Variants in GFI1 observed in about 807,000 individuals in gnomAD.
The protein encoded by GFI1 is growth factor independent 1 transcriptional repressor.
Under a neutral mutation model 39.2 loss-of-function variants are expected in GFI1, and 15 were observed. That is an observed-to-expected ratio of 0.38 (90% confidence interval 0.26 to 0.59). The LOEUF (loss-of-function observed/expected upper bound fraction) is 0.59, where lower values mean the gene tolerates loss of function less well. Ranked by LOEUF, GFI1 falls within the 20% of genes least tolerant of loss-of-function variation. GFI1 has a pLI of 0.62. For synonymous variants in GFI1, 239 were observed against 254.3 expected (o/e 0.94, Z 0.57); for missense variants, 475 against 574.0 (o/e 0.83, Z 1.76).
At position 92,475,841 on chromosome 1, in the gene GFI1, T is replaced by C; in HGVS notation, c.*188A>G. On this transcript the variant is annotated 3_prime_UTR_variant, in exon 7 of 7. Coordinates refer to ENST00000294702, the MANE Select transcript of GFI1 (RefSeq NM_005263.5). ...CACTCTCGGCTGCACTTTGAAAAGG[T>C]ACCTCATTTCTTCTGGCAGCTCCAG... The C allele has an allele frequency of 1.6e-6, 1 of 624,634 alleles. No homozygotes were observed. The highest frequency in any genetic ancestry group is 2.9e-6 in the Non-Finnish European group (1 of 348,200). 38.7% of individuals were successfully genotyped at this position (624,634 alleles called of 1,614,324 possible).
intron 6 of GFI1, among the ~76,000 whole-genome samples, chr1:92,477,308 T>C (rs1225237049): frequency 6.6e-6 from 1 of 152,222 alleles, no homozygotes; most frequent in African/African-American, 2.4e-5. Flanking sequence ...TTGATAAGTG[T>C]CCTGAATACC....
In GFI1 at chr1:92,483,020, T is replaced by G; in HGVS notation, c.142A>C (p.Lys48Gln). Residue 48 changes from lysine to glutamine, a missense_variant, in exon 3 of 7, where the codon AAG becomes CAG. By Grantham distance (53) the Lys-to-Gln change is moderately conservative (BLOSUM62 1). Coordinates refer to ENST00000294702, the MANE Select transcript of GFI1 (RefSeq NM_005263.5). ...GACAAACGGTCCCGGGGCTCCGCCT[T>G]CGCCCCGCCTGCATTTGAAGTGCTG... ...ADSTSNAGGA[K>Q]AEPRDRLSPE... is the part of the protein sequence containing the mutation. The G allele has an allele frequency of 6.2e-7, 1 of 1,601,324 alleles. No homozygotes were observed. The highest frequency in any genetic ancestry group is 8.5e-7 in the Non-Finnish European group (1 of 1,174,362).
chr1:92,483,769 G>T, intron 1 of GFI1, 183 bp from the exon 2 acceptor site: 2 of 474,284 alleles, frequency 4.2e-6, no homozygotes, highest in Non-Finnish European at 7.8e-6. Flanking sequence ...CGAACCCGCC[G>T]TCGTTGCCGC....
chr1:92,476,230 G>A, intron 6 of GFI1, 23 bp from the exon 7 acceptor site: 1 of 1,601,256 alleles, frequency 6.2e-7, no homozygotes, highest in African/African-American at 1.3e-5. Flanking sequence ...GAGGGGGAGG[G>A]GAGAAAGTAT....
intron 2 of GFI1, 32 bp downstream of exon 2, chr1:92,483,341 G>T: frequency 2.4e-6 from 3 of 1,253,432 alleles, no homozygotes; most frequent in Non-Finnish European, 3.5e-6. Context: ...ATCCGGGGGA[G>T]CAGCCCCGCC....
At chr1:92,486,266 C>A (rs1045603085) in intron 1 of GFI1, among the ~76,000 whole-genome samples, 1 of 152,226 alleles carries the variant, frequency 6.6e-6, no homozygotes, top group Non-Finnish European at 1.5e-5. Context: ...GGGGGCCTGG[C>A]CTTTCCAGCC....
intron 6 of GFI1, among the ~76,000 whole-genome samples, chr1:92,478,340 G>A (rs1198685520): frequency 1.3e-5 from 2 of 152,198 alleles, no homozygotes; most frequent in Non-Finnish European, 2.9e-5. Context: ...TTCTTTCCAA[G>A]TATAGAGTAC....
Position 92,482,901 on chromosome 1 carries a change from C to A in GFI1, c.261G>T (p.Glu87Asp), listed in dbSNP as rs772331632. ...GSVCERSSEFEDFWRPPSPSA... is the reference protein window; with the variant it reads ...GSVCERSSEFDDFWRPPSPSA... ...AGGGTGACGGGGGCCTCCAGAAGTC[C>A]TCAAACTCCGAGCTCCGTTCGCAGA... The change falls in exon 3 of 7, where the codon GAG becomes GAT. Residue 87 changes from glutamate to aspartate, a missense_variant. Physicochemically the swap from Glu to Asp is conservative, Grantham distance 45. Coordinates refer to ENST00000294702, the MANE Select transcript of GFI1 (RefSeq NM_005263.5). The surrounding 1 kb of genome is among the most constrained non-coding windows in gnomAD (Gnocchi z 4.4). 1 of 1,614,154 alleles carries A rather than the reference C, an allele frequency of 6.2e-7. No homozygotes were observed.
At position 92,480,956 on chromosome 1, in the gene GFI1, G is replaced by C. The variant is rs533176227; in HGVS notation, c.431C>G (p.Ala144Gly). 9.2e-5 allele frequency: 146 copies of C among 1,591,350 alleles called. 1 individual carries two copies. Among genetic ancestry groups the C allele is most frequent in the South Asian group, 3.3e-4 (29 of 88,088 alleles). ...GCCCAGGCCAGCGCCACGCTCCAGG[G>C]CCCCACACGGTCGGTAGCTCTGCAC... ...HLVQSYRPCG[A>G]LERGAGLGLF... The change falls in exon 4 of 7, where the codon GCC becomes GGC. Residue 144 changes from alanine to glycine, a missense_variant. By Grantham distance (60) the Ala-to-Gly change is moderately conservative. Coordinates refer to ENST00000294702, the MANE Select transcript of GFI1 (RefSeq NM_005263.5). The surrounding 1 kb of genome is among the most constrained non-coding windows in gnomAD (Gnocchi z 5.6).
rs373356144 is a variant in GFI1 at position 92,480,631 on chromosome 1, G to A, written c.756C>T (p.Gly252=). The change falls in exon 4 of 7, where the codon GGC becomes GGT. Residue 252 remains glycine, a synonymous_variant. Coordinates refer to ENST00000294702, the MANE Select transcript of GFI1 (RefSeq NM_005263.5). The surrounding 1 kb of genome is among the most constrained non-coding windows in gnomAD (Gnocchi z 5.6). Reference sequence around the variant, plus strand: ...TGCACTTGATGCACTTGTAGGAGCCGCCGCCCAGCAGCAGGCGGGTGCACA... The same window carrying A: ...TGCACTTGATGCACTTGTAGGAGCCACCGCCCAGCAGCAGGCGGGTGCACA... ...ELLCTRLLLG[G]GSYKCIKCSK... The A allele has an allele frequency of 1.9e-6, 3 of 1,580,570 alleles. No individual in the cohort carries two copies. The highest frequency in any genetic ancestry group is 1.7e-4 in the Middle Eastern group (1 of 5,988).
intron 6 of GFI1, among the ~76,000 whole-genome samples, chr1:92,476,583 G>A (rs1436225243): frequency 6.6e-6 from 1 of 152,202 alleles, no homozygotes; most frequent in African/African-American, 2.4e-5. Context: ...GGAAGGGGAG[G>A]GGGAAGCTGT....
In GFI1 at chr1:92,473,958, A is replaced by T. The variant is rs1477526413; in HGVS notation, c.*2071T>A. On this transcript the variant is annotated 3_prime_UTR_variant, in exon 7 of 7. Coordinates refer to ENST00000294702, the MANE Select transcript of GFI1 (RefSeq NM_005263.5). ...CCCAGCACATACTGGGTGCTCAATT[A>T]TATGTGTGAAATCAATTTGAGTTGG... 6.6e-6 allele frequency among the ~76,000 whole-genome samples: 1 copy of T among 152,244 alleles called. No individual in the cohort carries two copies. Among genetic ancestry groups the T allele is most frequent in the African/African-American group, 2.4e-5 (1 of 41,464 alleles).
In GFI1 at chr1:92,484,729, C is replaced by T. The variant is rs534636403; in HGVS notation, c.-99-1143G>A. 1.3e-5 allele frequency: 2 copies of T among 152,494 alleles called. No homozygotes were observed. Among genetic ancestry groups the T allele is most frequent in the Admixed American group, 1.3e-4 (2 of 15,288 alleles). 9.4% of individuals were successfully genotyped at this position (152,494 alleles called of 1,614,324 possible). A position where few individuals can be genotyped will look rare whatever the true frequency, so the allele number is the denominator to read the frequency against. Reference sequence around the variant, plus strand: ...GCTGCGCCTGCCGCTAGGCTCCAGCCGGCTCCGGGGGCGGTACCCCACAGT... The same window carrying T: ...GCTGCGCCTGCCGCTAGGCTCCAGCTGGCTCCGGGGGCGGTACCCCACAGT... On this transcript the variant is annotated intron_variant, in intron 1 of 6. Coordinates refer to ENST00000294702, the MANE Select transcript of GFI1 (RefSeq NM_005263.5). This position sits in a 1 kb window ranked among gnomAD's most constrained non-coding sequence, Gnocchi z 4.1.
In GFI1 at chr1:92,483,575, C is replaced by T. The variant is rs980760683; in HGVS notation, c.-88G>A. ...ACTCCGAGGGCTTGCTCAGCCCCAG[C>T]CCGGAGGAGACCTGAGAGGGAAAGA... On this transcript the variant is annotated 5_prime_UTR_variant, in exon 2 of 7. Transcript: ENST00000294702. 15 of 783,344 alleles carry T rather than the reference C, an allele frequency of 1.9e-5. No homozygotes were observed. The highest frequency in any genetic ancestry group is 2.9e-5 in the Non-Finnish European group (13 of 446,730). 48.5% of individuals were successfully genotyped at this position (783,344 alleles called of 1,614,324 possible).
Position 92,474,377 on chromosome 1 carries a change from A to T in GFI1, c.*1652T>A, listed in dbSNP as rs1334352422. Among the ~76,000 whole-genome samples the T allele has an allele frequency of 6.6e-6, 1 of 152,244 alleles. No individual in the cohort carries two copies. The highest frequency in any genetic ancestry group is 2.4e-5 in the African/African-American group (1 of 41,464). The stretch of plus-strand genomic sequence containing the variant: ...ATGTGTTGGTGACAGAGCTGTGACT[A>T]AAACTAAAACCTAGACCTAAGACCT... On this transcript the variant is annotated 3_prime_UTR_variant, in exon 7 of 7. Coordinates refer to ENST00000294702, the MANE Select transcript of GFI1 (RefSeq NM_005263.5).
intron 2 of GFI1, 141 bp from the exon 3 acceptor site, chr1:92,483,187 C>G (rs1396571464): frequency 9.4e-6 from 8 of 852,750 alleles, no homozygotes; most frequent in Non-Finnish European, 1.4e-5. Context: ...CCTCTCGGAT[C>G]CGAGGGCAGG....
chr1:92,482,298 T>C lies in GFI1; in HGVS notation c.298+566A>G, dbSNP rs1417458468. ...TCACTTAGTTTGCCTGAAGCTGGAT[T>C]GCTCGCTGGAAATGAAACCCAGAGA... On this transcript the variant is annotated intron_variant, in intron 3 of 6. Coordinates refer to ENST00000294702, the MANE Select transcript of GFI1 (RefSeq NM_005263.5). This position sits in a 1 kb window ranked among gnomAD's most constrained non-coding sequence, Gnocchi z 4.4. Among the ~76,000 whole-genome samples the C allele has an allele frequency of 6.6e-6, 1 of 152,140 alleles. No individual in the cohort carries two copies. Among genetic ancestry groups the C allele is most frequent in the East Asian group, 1.9e-4 (1 of 5,180 alleles).
intron 2 of GFI1, 50 bp from the exon 3 acceptor site, chr1:92,483,096 G>C: frequency 2.0e-6 from 3 of 1,492,550 alleles, no homozygotes; most frequent in Non-Finnish European, 2.7e-6. Flanking sequence ...GGTTGAGTCT[G>C]AGGGTGCTGA....
chr1:92,476,492 C>T (rs1377064894), intron 6 of GFI1, among the ~76,000 whole-genome samples: 1 of 152,168 alleles, frequency 6.6e-6, no homozygotes, highest in African/African-American at 2.4e-5. Flanking sequence ...GCAAAGGCCA[C>T]GTGCCCTCCC....
Sources: allele counts gnomAD v4.1 joint callset (sites outside exome capture counted in the v4.1 genomes callset), GRCh38; gene constraint gnomAD v4.1.1; non-coding constraint Gnocchi (gnomAD v3.1); transcripts MANE v1.5; gene names NCBI Gene and HGNC (gene_info 2026-07-23, HGNC 2026-07-21).